FHL2: variants seen among roughly 807,000 people sequenced by gnomAD.
The protein encoded by FHL2 is four and a half LIM domains protein 2.
In FHL2, 20 loss-of-function variants were observed where a neutral mutation model predicts 32.7. That is an observed-to-expected ratio of 0.61 (90% CI 0.43 to 0.89). The LOEUF (loss-of-function observed/expected upper bound fraction) is 0.89. Among genes scored for constraint, FHL2 ranks in the 40% least tolerant of loss-of-function variants. The pLI is 0.00. For synonymous variants in FHL2, 123 were observed against 128.1 expected, an observed-to-expected ratio of 0.96 and a Z score of 0.27; for missense variants, 311 against 358.6, an observed-to-expected ratio of 0.87 and a Z score of 1.07.
At chr2:105,436,090 T>C (rs1684600817) in intron 1 of FHL2, among the ~76,000 whole-genome samples, 1 of 152,208 alleles carries the variant, frequency 6.6e-6, no homozygotes, top group Admixed American at 6.5e-5. Flanking sequence ...AAGTATCAAA[T>C]TGTAAAACAT....
At chr2:105,417,463 T>A (rs766589983) in intron 1 of FHL2, among the ~76,000 whole-genome samples, 9 of 152,050 alleles carry the variant, frequency 5.9e-5, no homozygotes, top group Non-Finnish European at 7.4e-5. Flanking sequence ...GGCGGGCAGA[T>A]TGTCTGAGCT....
At chr2:105,436,471 A>G (rs978039741) in intron 1 of FHL2, among the ~76,000 whole-genome samples, 3 of 152,202 alleles carry the variant, frequency 2.0e-5, no homozygotes, top group African/African-American at 7.2e-5. Flanking sequence ...GAGATAACCA[A>G]TTTTCAAGGA....
intron 1 of FHL2, among the ~76,000 whole-genome samples, chr2:105,430,391 G>A (rs1443710825): frequency 6.6e-6 from 1 of 152,196 alleles, no homozygotes; most frequent in African/African-American, 2.4e-5. Flanking sequence ...AATAGGCCAG[G>A]CGAGGTGGCT....
At chr2:105,373,503 G>A (rs755584011) in intron 4 of FHL2, 56 bp downstream of exon 4, 23 of 1,595,310 alleles carry the variant, frequency 1.4e-5, no homozygotes, top group Non-Finnish European at 1.8e-5. Flanking sequence ...TCAGAGGAAC[G>A]TGCACAAGGC....
intron 1 of FHL2, among the ~76,000 whole-genome samples, chr2:105,411,614 C>T (rs1386634991): frequency 7.8e-6 from 1 of 127,984 alleles, no homozygotes; most frequent in Non-Finnish European, 1.6e-5. Flanking sequence ...CCGAGGCGGG[C>T]GGATCACTTG....
chr2:105,378,470 C>T (rs1229832831), intron 3 of FHL2: 1 of 275,142 alleles, frequency 3.6e-6, no homozygotes, highest in Non-Finnish European at 7.1e-6. Context: ...CAGATGCTGC[C>T]CTTTCCCTTC....
chr2:105,413,932 C>T (rs958696585), intron 1 of FHL2, among the ~76,000 whole-genome samples: 3 of 152,208 alleles, frequency 2.0e-5, no homozygotes, highest in Non-Finnish European at 4.4e-5. Context: ...CTGACACTAT[C>T]TACCTGGAGT....
intron 1 of FHL2, among the ~76,000 whole-genome samples, chr2:105,412,753 C>G (rs1001080980): frequency 6.6e-6 from 1 of 152,072 alleles, no homozygotes; most frequent in African/African-American, 2.4e-5. Flanking sequence ...GAGCCAGAGG[C>G]GGGGGCAGTG....
upstream of FHL2, chr2:105,399,058 C>A (rs1683351470): frequency 6.7e-7 from 1 of 1,495,164 alleles, no homozygotes; most frequent in Non-Finnish European, 8.9e-7. Flanking sequence ...GAGTGGAGCG[C>A]TGCGCAGCTC....
intron 1 of FHL2, among the ~76,000 whole-genome samples, chr2:105,425,394 C>A (rs1332833653): frequency 6.6e-6 from 1 of 152,136 alleles, no homozygotes; most frequent in East Asian, 1.9e-4. Context: ...AGGGTATTGT[C>A]CAAGGTTTCT....
At position 105,360,938 on chromosome 2, in the gene FHL2, A is replaced by G. The variant is rs1395874415; in HGVS notation, c.*345T>C. ...GGTCATTACCTTATTGAGTTTAGAA[A>G]ACTTTCAAGTTCGTGACATATGTTA... is the stretch of plus-strand genomic sequence containing the variant. On this transcript the variant is annotated 3_prime_UTR_variant, in exon 7 of 7. Coordinates refer to ENST00000530340, the MANE Select transcript of FHL2 (RefSeq NM_001318895.3). 3.3e-5 allele frequency: 6 copies of G among 181,088 alleles called. No homozygotes were observed. The highest frequency in any genetic ancestry group is 5.8e-5 in the Non-Finnish European group (5 of 86,756). The allele number at this position is 181,088 out of a possible 1,614,324, so 11.2% of individuals were successfully genotyped here. A position where few individuals can be genotyped will look rare whatever the true frequency, so the allele number is the denominator to read the frequency against.
At position 105,426,597 on chromosome 2, in the gene FHL2, C is replaced by A. The variant is rs560484613; in HGVS notation, c.-25+11802G>T. Among the ~76,000 whole-genome samples, 6 of 152,322 alleles carry A rather than the reference C, an allele frequency of 3.9e-5. No homozygotes were observed. The South Asian group carries it at 1.2e-3, about 32-fold the overall frequency. Reference sequence around the variant, plus strand: ...GATGTGAGGGCTCCCCACTCCTGCACCTACCTTCTGCAAAATTACAGGAAG... The same window carrying A: ...GATGTGAGGGCTCCCCACTCCTGCAACTACCTTCTGCAAAATTACAGGAAG... On this transcript the variant is annotated intron_variant, in intron 1 of 5. Transcript: ENST00000393352.
chr2:105,371,078 T>C (rs1681028560), intron 4 of FHL2, among the ~76,000 whole-genome samples: 1 of 152,198 alleles, frequency 6.6e-6, no homozygotes. Flanking sequence ...ATTAGGTTTT[T>C]ACTTCTTATC....
At chr2:105,396,991 T>A (rs1683175012) in intron 1 of FHL2, 1 of 241,866 alleles carries the variant, frequency 4.1e-6, no homozygotes, top group African/African-American at 2.4e-5. Flanking sequence ...AGGAGTAAAC[T>A]ACTCCTGATA....
chr2:105,362,478 G>T (rs1353377058), intron 6 of FHL2, among the ~76,000 whole-genome samples: 2 of 152,172 alleles, frequency 1.3e-5, no homozygotes, highest in African/African-American at 4.8e-5. Flanking sequence ...TAGTTACACT[G>T]AAAAGCCACA....
intron 1 of FHL2, among the ~76,000 whole-genome samples, chr2:105,427,231 T>C (rs1227590088): frequency 3.3e-5 from 5 of 152,232 alleles, no homozygotes; most frequent in Non-Finnish European, 7.3e-5. Context: ...AAATATACTG[T>C]CATGAAAAAA....
At chr2:105,363,240 C>T (rs1440882049) in intron 6 of FHL2, 45 bp downstream of exon 6, 1 of 1,598,862 alleles carries the variant, frequency 6.3e-7, no homozygotes, top group Non-Finnish European at 8.6e-7. Flanking sequence ...AGGCCTTGTT[C>T]AAGCTTCCAA....
At chr2:105,366,664 G>A (rs1680655431) in intron 5 of FHL2, among the ~76,000 whole-genome samples, 1 of 152,236 alleles carries the variant, frequency 6.6e-6, no homozygotes, top group South Asian at 2.1e-4. Context: ...GCTTCCTACA[G>A]ATATGCAGTT....
chr2:105,404,005 G>C (rs72836927), upstream of FHL2, among the ~76,000 whole-genome samples: 30,527 of 152,070 alleles, frequency 0.2, 3,197 homozygotes, highest in South Asian at 0.25. Flanking sequence ...GTGGGGTCGT[G>C]GGGGGGAGGC....
Sources: allele counts gnomAD v4.1 joint callset (sites outside exome capture counted in the v4.1 genomes callset), GRCh38; gene constraint gnomAD v4.1.1; transcripts MANE v1.5; gene names NCBI Gene and HGNC (gene_info 2026-07-23, HGNC 2026-07-21).